Variants in FGGY observed in about 807,000 individuals in gnomAD.
The protein encoded by FGGY is FGGY carbohydrate kinase domain-containing protein.
In FGGY, 72 loss-of-function variants were observed where a neutral mutation model predicts 71.3. The observed-to-expected ratio is 1.01, with a 90% CI of 0.84 to 1.23. The LOEUF is 1.23. Among genes scored for constraint, FGGY ranks in the 50% most tolerant of loss-of-function variants. FGGY has a pLI of 0.00. For synonymous variants in FGGY, 251 were observed against 250.3 expected (o/e 1.00, Z -0.02); for missense variants, 668 against 682.3 (o/e 0.98, Z 0.23).
chr1:59,709,622 C>G (rs550977027), intron 14 of FGGY, among the ~76,000 whole-genome samples: 1 of 152,286 alleles, frequency 6.6e-6, no homozygotes, highest in East Asian at 1.9e-4. Flanking sequence ...AATCTACTTG[C>G]AAGTGAGAGG....
intron 6 of FGGY, among the ~76,000 whole-genome samples, chr1:59,461,174 A>T (rs1195017380): frequency 1.3e-5 from 2 of 152,244 alleles, no homozygotes; most frequent in African/African-American, 4.8e-5. Flanking sequence ...AAACCTTGAA[A>T]AAAGATTAGA....
chr1:59,366,314 G>A (rs904237942), intron 4 of FGGY, among the ~76,000 whole-genome samples: 5 of 152,042 alleles, frequency 3.3e-5, no homozygotes, highest in African/African-American at 1.2e-4. Context: ...CATCTAATGG[G>A]GGTAATGCGT....
chr1:59,454,831 G>A (rs1267866570), intron 5 of FGGY, among the ~76,000 whole-genome samples: 1 of 152,178 alleles, frequency 6.6e-6, no homozygotes, highest in Admixed American at 6.5e-5. Flanking sequence ...GCATACCACT[G>A]GTTTCCTGGA....
At chr1:59,531,427 C>T (rs577143711) in intron 7 of FGGY, among the ~76,000 whole-genome samples, 2 of 152,038 alleles carry the variant, frequency 1.3e-5, no homozygotes, top group East Asian at 1.9e-4. Flanking sequence ...TCCTCTTGGT[C>T]CCCCAAAATA....
intron 8 of FGGY, among the ~76,000 whole-genome samples, chr1:59,589,257 C>A (rs960482161): frequency 2.6e-5 from 4 of 152,164 alleles, no homozygotes; most frequent in African/African-American, 9.7e-5. Flanking sequence ...TATATATGCA[C>A]CCAATACAGG....
chr1:59,399,631 C>G (rs1321510066), intron 5 of FGGY, among the ~76,000 whole-genome samples: 2 of 152,282 alleles, frequency 1.3e-5, no homozygotes, highest in South Asian at 2.1e-4. Flanking sequence ...CTAGCACTTA[C>G]TGTGCATTCT....
chr1:59,321,392 TA>T, intron 1 of FGGY, 143 bp from the exon 2 acceptor site: 2 of 703,768 alleles, frequency 2.8e-6, no homozygotes, highest in Non-Finnish European at 2.4e-6. Context: ...CTGTTATCAC[TA>T]AAAATGTTTG....
At chr1:59,556,688 C>G (rs2095691737) in intron 8 of FGGY, among the ~76,000 whole-genome samples, 1 of 152,148 alleles carries the variant, frequency 6.6e-6, no homozygotes, top group Non-Finnish European at 1.5e-5. Context: ...ATTCTTCATC[C>G]ATCAAATTGG....
intron 11 of FGGY, among the ~76,000 whole-genome samples, chr1:59,640,915 G>A (rs1436238015): frequency 6.6e-6 from 1 of 150,942 alleles, no homozygotes; most frequent in Non-Finnish European, 1.5e-5. Context: ...CACAATCCCA[G>A]CCCTCAGGAA....
At chr1:59,757,878 G>C (rs544235652) in intron 14 of FGGY, 53 bp from the exon 15 acceptor site, 2 of 1,325,860 alleles carry the variant, frequency 1.5e-6, no homozygotes, top group Non-Finnish European at 2.2e-6. Flanking sequence ...GACAAGCCTC[G>C]CTTTGGATTT....
intron 14 of FGGY, among the ~76,000 whole-genome samples, chr1:59,723,057 A>T (rs1051087729): frequency 6.6e-6 from 1 of 152,300 alleles, no homozygotes; most frequent in South Asian, 2.1e-4. Context: ...TCGGCCTCCC[A>T]AAGTGCTGGG....
At chr1:59,325,241 C>T (rs1349752855) in intron 2 of FGGY, among the ~76,000 whole-genome samples, 1 of 152,098 alleles carries the variant, frequency 6.6e-6, no homozygotes, top group Non-Finnish European at 1.5e-5. Context: ...CCTGTAGTCC[C>T]AGCTACTTGG....
chr1:59,619,185 C>T (rs1158458250), intron 9 of FGGY, among the ~76,000 whole-genome samples: 1 of 151,904 alleles, frequency 6.6e-6, no homozygotes, highest in Non-Finnish European at 1.5e-5. Context: ...TTTATACAGC[C>T]AGTATTTACG....
At chr1:59,550,725 T>C (rs917336365) in intron 7 of FGGY, among the ~76,000 whole-genome samples, 4 of 152,200 alleles carry the variant, frequency 2.6e-5, no homozygotes, top group Admixed American at 2.6e-4. Flanking sequence ...AGCCCATGGC[T>C]CTCACTGAGT....
At chr1:59,467,800 A>AAAT (rs1214055573) in intron 6 of FGGY, among the ~76,000 whole-genome samples, 1 of 152,228 alleles carries the variant, frequency 6.6e-6, no homozygotes, top group Non-Finnish European at 1.5e-5. Flanking sequence ...GATACTGATG[A>AAAT]AATATTCATT....
At chr1:59,741,702 C>T (rs1015427052) in intron 14 of FGGY, among the ~76,000 whole-genome samples, 12 of 151,816 alleles carry the variant, frequency 7.9e-5, no homozygotes, top group East Asian at 3.9e-4. Context: ...TTTGGGAGGC[C>T]GAGGCAGGTG....
chr1:59,677,471 C>G (rs1289471402), intron 14 of FGGY, among the ~76,000 whole-genome samples: 2 of 152,204 alleles, frequency 1.3e-5, no homozygotes, highest in Non-Finnish European at 2.9e-5. Context: ...TCACCTCCTT[C>G]AGATGCTGGG....
intron 1 of FGGY, chr1:59,318,559 A>T (rs928259141): frequency 6.6e-6 from 1 of 152,184 alleles, no homozygotes; most frequent in Admixed American, 6.5e-5. Context: ...GGGTGGTAAG[A>T]TGATGTATTT....
In FGGY at chr1:59,373,253, T is replaced by C. The variant is rs529790109; in HGVS notation, c.466-5496T>C. Among the ~76,000 whole-genome samples, 465 of 152,162 alleles carry C rather than the reference T, an allele frequency of 3.1e-3. 4 individuals are homozygous for C. The highest frequency in any genetic ancestry group is 0.01 in the African/African-American group (427 of 41,480). On this transcript the variant is annotated intron_variant, in intron 4 of 15. Coordinates refer to ENST00000303721, the MANE Select transcript of FGGY (RefSeq NM_018291.5). ...CAATGTACAAAAATCACAAGCATTC[T>C]TATACACCAATAACAGACAAACAGC...
Sources: gnomAD v4.1 joint callset for allele counts (sites outside exome capture counted in the v4.1 genomes callset) on GRCh38, gnomAD v4.1.1 for gene constraint, MANE v1.5 for transcripts, NCBI Gene and HGNC (gene_info 2026-07-23, HGNC 2026-07-21) for gene names.